The following NUBPL variants were observed in gnomAD, a reference collection of about 807,000 sequenced individuals.
The protein encoded by NUBPL is NUBP iron-sulfur cluster assembly factor, mitochondrial.
In NUBPL, 31 loss-of-function variants were observed where a neutral mutation model predicts 45.7. The observed-to-expected ratio is 0.68, with a 90% CI of 0.51 to 0.92. NUBPL has a LOEUF of 0.92. Among genes scored for constraint, NUBPL ranks in the 40% least tolerant of loss-of-function variants. The pLI is 0.00. For synonymous variants in NUBPL, 144 were observed against 140.9 expected (o/e 1.02, Z -0.15); for missense variants, 401 against 398.7 (o/e 1.01, Z -0.05).
intron 3 of NUBPL, among the ~76,000 whole-genome samples, chr14:31,574,663 T>C (rs1459826908): frequency 7.0e-6 from 1 of 143,532 alleles, no homozygotes; most frequent in African/African-American, 2.6e-5. Flanking sequence ...TGGTCTTGGC[T>C]CACTGCAACC....
chr14:31,624,803 G>GA (rs1319771663), intron 4 of NUBPL, among the ~76,000 whole-genome samples: 2 of 152,168 alleles, frequency 1.3e-5, no homozygotes, highest in African/African-American at 4.8e-5. Flanking sequence ...GACCTCAAGT[G>GA]ATCCGCCTGC....
At chr14:31,688,057 A>G (rs1355813543) in intron 6 of NUBPL, among the ~76,000 whole-genome samples, 1 of 152,212 alleles carries the variant, frequency 6.6e-6, no homozygotes, top group South Asian at 2.1e-4. Context: ...GGATTGCTAT[A>G]GTAAAGCATG....
At chr14:31,749,181 G>A (rs1566539980) in intron 6 of NUBPL, among the ~76,000 whole-genome samples, 1 of 152,102 alleles carries the variant, frequency 6.6e-6, no homozygotes, top group Non-Finnish European at 1.5e-5. Context: ...TTTTTTGATT[G>A]TTTTGAATTT....
chr14:31,680,473 A>G (rs375986395), intron 6 of NUBPL, among the ~76,000 whole-genome samples: 19 of 152,146 alleles, frequency 1.2e-4, no homozygotes, highest in African/African-American at 4.6e-4. Context: ...CTTACCACTT[A>G]TTGAAATGAT....
chr14:31,629,834 C>T (rs1054647446), intron 4 of NUBPL, among the ~76,000 whole-genome samples: 30 of 152,162 alleles, frequency 2.0e-4, no homozygotes, highest in Admixed American at 1.4e-3. Context: ...CAGTTTCCCT[C>T]TTCCTGTCAT....
chr14:31,633,611 T>C (rs2035403452), intron 4 of NUBPL, among the ~76,000 whole-genome samples: 1 of 152,156 alleles, frequency 6.6e-6, no homozygotes, highest in African/African-American at 2.4e-5. Context: ...ATATTCAGAG[T>C]TACAGAATCC....
intron 6 of NUBPL, among the ~76,000 whole-genome samples, chr14:31,711,369 C>T (rs191099563): frequency 5.0e-4 from 76 of 152,186 alleles, no homozygotes; most frequent in East Asian, 3.9e-4. Flanking sequence ...TTTAACTGGC[C>T]GACAGGTGCC....
At chr14:31,567,468 C>T (rs1230168947) in intron 3 of NUBPL, among the ~76,000 whole-genome samples, 1 of 152,104 alleles carries the variant, frequency 6.6e-6, no homozygotes, top group East Asian at 1.9e-4. Flanking sequence ...GTTAATTTTT[C>T]TGTCATATTT....
At chr14:31,638,890 T>C (rs1013699166) in intron 4 of NUBPL, among the ~76,000 whole-genome samples, 19 of 152,230 alleles carry the variant, frequency 1.2e-4, no homozygotes, top group African/African-American at 2.4e-5. Context: ...CTCCTGAGGC[T>C]TCTGCATTCT....
At position 31,859,321 on chromosome 14, in the gene NUBPL, T is replaced by G; in HGVS notation, c.*141T>G. ...AGGAAAGAATGTCTTCATATTTGAC[T>G]TGCTAAGCTAAGGTTCACAAAACTT... On this transcript the variant is annotated 3_prime_UTR_variant, in exon 11 of 11. Transcript: ENST00000281081. 1 of 779,648 alleles carries G rather than the reference T, an allele frequency of 1.3e-6. No individual in the cohort carries two copies. Among genetic ancestry groups the G allele is most frequent in the Non-Finnish European group, 2.2e-6 (1 of 453,258 alleles). The allele number at this position is 779,648 out of a possible 1,614,324, so 48.3% of individuals were successfully genotyped here.
At chr14:31,702,344 A>G (rs1350932734) in intron 6 of NUBPL, among the ~76,000 whole-genome samples, 1 of 152,170 alleles carries the variant, frequency 6.6e-6, no homozygotes, top group African/African-American at 2.4e-5. Context: ...TTGATTGTCC[A>G]TATGGCTGAT....
At chr14:31,839,698 A>G (rs1156590867) in intron 8 of NUBPL, among the ~76,000 whole-genome samples, 7 of 152,236 alleles carry the variant, frequency 4.6e-5, no homozygotes, top group East Asian at 3.9e-4. Flanking sequence ...CAAAACATGC[A>G]TAAGGAGTTA....
intron 6 of NUBPL, among the ~76,000 whole-genome samples, chr14:31,760,791 C>A (rs1381204450): frequency 1.3e-5 from 2 of 151,882 alleles, no homozygotes; most frequent in Non-Finnish European, 2.9e-5. Context: ...TACAGTATTG[C>A]CTATTTACCA....
At chr14:31,783,886 A>C (rs1469164742) in intron 6 of NUBPL, among the ~76,000 whole-genome samples, 1 of 152,224 alleles carries the variant, frequency 6.6e-6, no homozygotes, top group Non-Finnish European at 1.5e-5. Context: ...GTGCCAGGGA[A>C]AAACAATGAT....
intron 4 of NUBPL, among the ~76,000 whole-genome samples, chr14:31,613,942 A>G (rs1430512099): frequency 6.6e-6 from 1 of 152,044 alleles, no homozygotes; most frequent in African/African-American, 2.4e-5. Context: ...TAAGAGATAT[A>G]TATATATATA....
intron 6 of NUBPL, among the ~76,000 whole-genome samples, chr14:31,703,925 AT>A (rs34158167): frequency 0.3 from 44,918 of 151,994 alleles, 7,486 homozygotes; most frequent in South Asian, 0.41. Context: ...CCAAATTATC[AT>A]TTTTAGAGAA....
At chr14:31,676,275 G>A (rs934508186) in intron 6 of NUBPL, among the ~76,000 whole-genome samples, 7 of 151,846 alleles carry the variant, frequency 4.6e-5, no homozygotes, top group African/African-American at 9.7e-5. Context: ...TGCCCGTCTC[G>A]GTCTCCCAAA....
intron 6 of NUBPL, among the ~76,000 whole-genome samples, chr14:31,758,791 C>T (rs1275881498): frequency 6.6e-6 from 1 of 151,948 alleles, no homozygotes; most frequent in Non-Finnish European, 1.5e-5. Flanking sequence ...GGAAGTTGTC[C>T]ATAATGGTTA....
Position 31,683,597 on chromosome 14 carries a change from C to T in NUBPL, c.513+10023C>T, listed in dbSNP as rs550085008. ...CGATCTCCTGACCTCGTGATCTGCC[C>T]GCCTCAGCCCCCCAAAGTGCTGGGA... On this transcript the variant is annotated intron_variant, in intron 6 of 10. Transcript: ENST00000281081. Among the ~76,000 whole-genome samples the T allele has an allele frequency of 3.6e-4, 55 of 152,060 alleles. No individual in the cohort carries two copies. In the South Asian group the frequency reaches 0.011, roughly 30 times the overall value.
Sources: gnomAD v4.1 joint callset for allele counts (sites outside exome capture counted in the v4.1 genomes callset) on GRCh38, gnomAD v4.1.1 for gene constraint, MANE v1.5 for transcripts, NCBI Gene and HGNC (gene_info 2026-07-23, HGNC 2026-07-21) for gene names.